The following NUP98 variants were observed in gnomAD, a reference collection of about 807,000 sequenced individuals.
The protein encoded by NUP98 is nucleoporin 98 and 96 precursor, also known as nuclear pore complex protein Nup98-Nup96.
Under a neutral mutation model 191.9 loss-of-function variants are expected in NUP98, and 26 were observed. The ratio of observed to expected loss-of-function variants is 0.14; its 90% CI spans 0.10 to 0.19. The LOEUF is 0.19. NUP98 is among the 10% of genes least tolerant of loss of function. NUP98 has a pLI of 1.00. For missense variants in NUP98, 1,941 were observed against 2,178.8 expected (o/e 0.89, Z 2.17); for synonymous variants, 808 against 778.4 (o/e 1.04, Z -0.63).
chr11:3,763,438 C>T (rs1375142500), intron 8 of NUP98, among the ~76,000 whole-genome samples: 1 of 152,084 alleles, frequency 6.6e-6, no homozygotes, highest in Non-Finnish European at 1.5e-5. Flanking sequence ...TCATTTTCAA[C>T]GATTTAGGTG....
chr11:3,705,209 G>A lies in NUP98; in HGVS notation c.3073C>T (p.Arg1025Cys), dbSNP rs747641971. 1.6e-5 allele frequency: 26 copies of A among 1,613,964 alleles called. No homozygotes were observed. In the Admixed American group the frequency reaches 2.5e-4, roughly 16 times the overall value. The stretch of plus-strand genomic sequence containing the variant: ...ATCTTTTATACTGTACCTAGTGAAC[G>A]AGTTTTCGACGAGTGGGATGCTGAA... ...PISASHSSKT[R>C]SLVGGLLQSK... Residue 1025 changes from arginine to cysteine, a missense_variant, in exon 22 of 33, where the codon CGT becomes TGT. This residue lies in a region of NUP98 where 1,030 missense variants were observed against 1,115.8 expected (regional missense o/e 0.92). Transcript: ENST00000324932.
chr11:3,796,907 C>T (rs1288062553), intron 1 of NUP98, among the ~76,000 whole-genome samples: 2 of 152,268 alleles, frequency 1.3e-5, no homozygotes. Flanking sequence ...ACCGAACCGA[C>T]TCCTATTCTC....
chr11:3,754,011 T>C (rs143600329), intron 10 of NUP98, among the ~76,000 whole-genome samples: 45 of 152,102 alleles, frequency 3.0e-4, no homozygotes, highest in African/African-American at 1.1e-3. Flanking sequence ...ATAATATCAA[T>C]ATTCAAGCAA....
At chr11:3,730,601 T>A (rs1253771230) in intron 14 of NUP98, among the ~76,000 whole-genome samples, 1 of 152,192 alleles carries the variant, frequency 6.6e-6, no homozygotes, top group Non-Finnish European at 1.5e-5. Context: ...TGACCTCCAG[T>A]GATCCACCCA....
intron 1 of NUP98, among the ~76,000 whole-genome samples, chr11:3,788,468 G>A (rs1258500987): frequency 6.6e-6 from 1 of 152,156 alleles, no homozygotes; most frequent in South Asian, 2.1e-4. Context: ...CTACATGCCT[G>A]TAATCCCAGC....
In NUP98 at chr11:3,723,249, T is replaced by C; in HGVS notation, c.2054A>G (p.Glu685Gly). Reference protein sequence around the residue: ...NMRAALRNGLEGSSEETSFHD... With the variant: ...NMRAALRNGLGGSSEETSFHD... The stretch of plus-strand genomic sequence containing the variant: ...AAAAGACGTTTCTTCACTGCTTCCT[T>C]CCAGCCCATTTCGCAAAGCAGCACG... Residue 685 changes from glutamate (E) to glycine (G), a missense_variant, in exon 16 of 33, where the codon GAA becomes GGA. Glu to Gly is a moderately conservative substitution (Grantham distance 98). Coordinates refer to ENST00000324932, the MANE Select transcript of NUP98 (RefSeq NM_016320.5). The C allele has an allele frequency of 6.2e-7, 1 of 1,614,152 alleles. No homozygotes were observed. The highest frequency in any genetic ancestry group is 8.5e-7 in the Non-Finnish European group (1 of 1,180,010).
intron 1 of NUP98, among the ~76,000 whole-genome samples, chr11:3,789,263 C>T (rs1287970457): frequency 6.6e-6 from 1 of 152,150 alleles, no homozygotes; most frequent in African/African-American, 2.4e-5. Flanking sequence ...TCACTCTAAA[C>T]TTTGGTTCAA....
At chr11:3,720,211 A>G (rs538420922) in intron 17 of NUP98, among the ~76,000 whole-genome samples, 1 of 152,358 alleles carries the variant, frequency 6.6e-6, no homozygotes, top group East Asian at 1.9e-4. Context: ...AATACAATAT[A>G]GCACAGTGGC....
Position 3,714,129 on chromosome 11 carries a change from A to C in NUP98, c.2400-134T>G, listed in dbSNP as rs900512135. On this transcript the variant is annotated intron_variant, in intron 18 of 32. Coordinates refer to ENST00000324932, the MANE Select transcript of NUP98 (RefSeq NM_016320.5). ...TTGGAATTATTCTGCATGTGTCATA[A>C]ACTTGAGTTTTGCCCCATAAGCTTA... The C allele has an allele frequency of 2.9e-5, 27 of 915,368 alleles. No individual in the cohort carries two copies. In the Admixed American group the frequency reaches 7.4e-4, roughly 25 times the overall value. The allele number at this position is 915,368 out of a possible 1,614,324, so 56.7% of individuals were successfully genotyped here.
chr11:3,759,203 T>TA (rs1363459662), intron 10 of NUP98, among the ~76,000 whole-genome samples: 2 of 152,186 alleles, frequency 1.3e-5, no homozygotes, highest in Non-Finnish European at 2.9e-5. Flanking sequence ...CCTCAAGAAA[T>TA]ACTTGAACCA....
intron 23 of NUP98, among the ~76,000 whole-genome samples, chr11:3,701,544 C>T (rs756578807): frequency 5.9e-4 from 89 of 151,924 alleles, no homozygotes; most frequent in Non-Finnish European, 9.4e-4. Context: ...CCACCGTACC[C>T]GGCCCCTTGA....
intron 12 of NUP98, among the ~76,000 whole-genome samples, chr11:3,744,239 T>C (rs976542869): frequency 2.0e-5 from 3 of 152,130 alleles, no homozygotes; most frequent in Non-Finnish European, 2.9e-5. Context: ...AACACAGTAA[T>C]ATAAGCACAT....
At chr11:3,781,319 A>G (rs1407683461) in intron 2 of NUP98, 1 of 152,002 alleles carries the variant, frequency 6.6e-6, no homozygotes, top group Non-Finnish European at 1.5e-5. Flanking sequence ...GCTGATTGTT[A>G]AAGTTGGGAT....
At chr11:3,776,065 T>G (rs766645187) in intron 4 of NUP98, 44 bp from the exon 5 acceptor site, 3 of 1,436,860 alleles carry the variant, frequency 2.1e-6, no homozygotes, top group Non-Finnish European at 2.9e-6. Context: ...GTAAGAAATT[T>G]AAGAATGTAT....
intron 12 of NUP98, among the ~76,000 whole-genome samples, chr11:3,739,891 G>A (rs144072911): frequency 2.1e-3 from 324 of 152,276 alleles, no homozygotes; most frequent in Middle Eastern, 6.8e-3. Flanking sequence ...ACCCCTGAGA[G>A]AGCAAGACCA....
intron 10 of NUP98, among the ~76,000 whole-genome samples, chr11:3,759,187 C>T (rs182738846): frequency 2.0e-5 from 3 of 152,314 alleles, no homozygotes; most frequent in Non-Finnish European, 1.5e-5. Context: ...ATCTGGCACA[C>T]AAAATCCTCA....
intron 1 of NUP98, among the ~76,000 whole-genome samples, chr11:3,785,075 C>G (rs937574854): frequency 6.6e-6 from 1 of 151,756 alleles, no homozygotes; most frequent in Non-Finnish European, 1.5e-5. Flanking sequence ...GAGGTGGAGC[C>G]TGCAGTGAGC....
chr11:3,787,520 T>C (rs1279391155), intron 1 of NUP98, among the ~76,000 whole-genome samples: 2 of 150,940 alleles, frequency 1.3e-5, no homozygotes, highest in African/African-American at 4.9e-5. Flanking sequence ...AAGGCAGAGG[T>C]TGCAGTGAGC....
At chr11:3,693,197 C>T in intron 27 of NUP98, 35 bp downstream of exon 27, 1 of 1,610,444 alleles carries the variant, frequency 6.2e-7, no homozygotes, top group Non-Finnish European at 8.5e-7. Flanking sequence ...TAACACCCAG[C>T]AAGATTTTTG....
Sources: gnomAD v4.1 joint callset for allele counts (sites outside exome capture counted in the v4.1 genomes callset) on GRCh38, gnomAD v4.1.1 for gene constraint, gnomAD v4.1.1 regional missense constraint, MANE v1.5 for transcripts, NCBI Gene and HGNC (gene_info 2026-07-23, HGNC 2026-07-21) for gene names.